The following PCSK6 variants were observed in gnomAD, a reference collection of about 807,000 sequenced individuals.
PCSK6 encodes paired basic amino acid cleaving enzyme 4.
PCSK6 carries 85 observed loss-of-function variants against 123.3 expected under a neutral mutation model. That is an observed-to-expected ratio of 0.69 (90% CI 0.58 to 0.83). The LOEUF is 0.83. PCSK6 is among the 40% of genes least tolerant of loss of function. PCSK6 has a pLI of 0.00. For synonymous variants in PCSK6, 508 were observed against 516.0 expected (o/e 0.98, Z 0.21); for missense variants, 1,191 against 1,282.3 (o/e 0.93, Z 1.09).
intron 1 of PCSK6, among the ~76,000 whole-genome samples, chr15:101,475,028 T>C (rs376088860): frequency 3.2e-4 from 49 of 152,312 alleles, no homozygotes; most frequent in African/African-American, 1.1e-3. Flanking sequence ...GTGAACATTC[T>C]ATGGACCCCT....
rs533961720 is a variant in PCSK6, at chr15:101,426,190, G to T, written c.823+1702C>A. Among the ~76,000 whole-genome samples the T allele has an allele frequency of 1.2e-4, 19 of 152,268 alleles. No individual in the cohort carries two copies. In the South Asian group the frequency reaches 3.5e-3, roughly 28 times the overall value. On this transcript the variant is annotated intron_variant, in intron 6 of 21. Transcript: ENST00000611716. ...TCAGCAAGAGGGAAGGAGGAGCTCA[G>T]CTATCCCCTGCAGACTTAGCCCAAG...
intron 13 of PCSK6, chr15:101,364,827 C>A: frequency 1.9e-6 from 1 of 539,726 alleles, no homozygotes; most frequent in East Asian, 2.8e-5. Flanking sequence ...CATGGAATTA[C>A]ACGGGACCCA....
chr15:101,481,612 T>C (rs874940), intron 1 of PCSK6, among the ~76,000 whole-genome samples: 63,751 of 151,860 alleles, frequency 0.42, 14,262 homozygotes, highest in East Asian at 0.8. Flanking sequence ...GCAGGGGCAA[T>C]GCAGGGAGCC....
In PCSK6 at chr15:101,455,841, C is replaced by T. The variant is rs74032892; in HGVS notation, c.298-12181G>A. ...ACTTCACCAAAATACAACTGAGGGA[C>T]ATCCTTTCCCGGTTGCAAAGCATAT... is the stretch of plus-strand genomic sequence containing the variant. On this transcript the variant is annotated intron_variant, in intron 1 of 21. Coordinates refer to ENST00000611716, the MANE Select transcript of PCSK6 (RefSeq NM_002570.5). 7.9e-3 allele frequency among the ~76,000 whole-genome samples: 1,204 copies of T among 152,342 alleles called. 18 individuals are homozygous for T. The highest frequency in any genetic ancestry group is 0.028 in the African/African-American group (1,157 of 41,552).
intron 13 of PCSK6, among the ~76,000 whole-genome samples, chr15:101,334,943 ATG>A (rs756567362): frequency 2.0e-5 from 3 of 151,462 alleles, no homozygotes; most frequent in African/African-American, 7.3e-5. Flanking sequence ...GTTTGACTTT[ATG>A]TGTGTGTGTG....
chr15:101,338,697 C>A (rs1296034425), intron 13 of PCSK6, among the ~76,000 whole-genome samples: 2 of 152,218 alleles, frequency 1.3e-5, no homozygotes, highest in African/African-American at 4.8e-5. Flanking sequence ...ACCATGAGTT[C>A]CTTAGTTTCT....
At chr15:101,362,810 CA>C (rs1596234555) in intron 13 of PCSK6, among the ~76,000 whole-genome samples, 3 of 152,244 alleles carry the variant, frequency 2.0e-5, no homozygotes, top group East Asian at 1.9e-4. Context: ...CATCTACCCC[CA>C]GGTAGAAGGG....
At chr15:101,329,457 G>T (rs532196890) in intron 15 of PCSK6, among the ~76,000 whole-genome samples, 1 of 152,362 alleles carries the variant, frequency 6.6e-6, no homozygotes, top group South Asian at 2.1e-4. Flanking sequence ...GTGCCCACGA[G>T]AATAAGAGTA....
chr15:101,315,492 C>G (rs115754935), intron 19 of PCSK6, among the ~76,000 whole-genome samples: 1 of 152,214 alleles, frequency 6.6e-6, no homozygotes, highest in Non-Finnish European at 1.5e-5. Flanking sequence ...ACAGGACCTG[C>G]TATGTTGTTT....
intron 7 of PCSK6, among the ~76,000 whole-genome samples, chr15:101,393,993 G>A (rs1210623782): frequency 6.6e-6 from 1 of 152,188 alleles, no homozygotes. Context: ...AAAGGGTTAC[G>A]TCCAGGAAGC....
intron 2 of PCSK6, among the ~76,000 whole-genome samples, chr15:101,443,072 A>T (rs2141151619): frequency 6.6e-6 from 1 of 152,376 alleles, no homozygotes; most frequent in Non-Finnish European, 1.5e-5. Flanking sequence ...TTAACCACCC[A>T]ATAAATACGG....
chr15:101,404,793 G>C (rs1364678404), intron 6 of PCSK6, among the ~76,000 whole-genome samples: 2 of 152,154 alleles, frequency 1.3e-5, no homozygotes, highest in Non-Finnish European at 2.9e-5. Context: ...GGATCTCCAG[G>C]GCAGGAGACC....
At chr15:101,422,647 G>C (rs1008900499) in intron 6 of PCSK6, among the ~76,000 whole-genome samples, 2 of 150,448 alleles carry the variant, frequency 1.3e-5, no homozygotes, top group Admixed American at 6.6e-5. Flanking sequence ...TTGAGACGGA[G>C]TCTCGCTCTG....
chr15:101,356,425 C>T (rs943726333), intron 13 of PCSK6, among the ~76,000 whole-genome samples: 2 of 148,260 alleles, frequency 1.3e-5, no homozygotes, highest in Non-Finnish European at 3.0e-5. Context: ...TTTCGGAGGC[C>T]GAGGTGGGCA....
At chr15:101,455,954 G>A (rs534344045) in intron 1 of PCSK6, among the ~76,000 whole-genome samples, 1 of 149,266 alleles carries the variant, frequency 6.7e-6, no homozygotes. Flanking sequence ...CAAGCTGTAT[G>A]CTAAGAAGTC....
At chr15:101,346,805 A>G in intron 13 of PCSK6, 1 of 1,231,276 alleles carries the variant, frequency 8.1e-7, no homozygotes, top group Non-Finnish European at 1.0e-6. Context: ...TCTTTTTGTT[A>G]TGCTTTCTAC....
chr15:101,488,947 C>T (rs1702873353), intron 1 of PCSK6, among the ~76,000 whole-genome samples: 1 of 150,398 alleles, frequency 6.6e-6, no homozygotes, highest in Non-Finnish European at 1.5e-5. Context: ...AGAGGGGCCG[C>T]TCCCCCGCGG....
At chr15:101,309,425 T>C (rs1405088997) in intron 20 of PCSK6, among the ~76,000 whole-genome samples, 1 of 152,220 alleles carries the variant, frequency 6.6e-6, no homozygotes, top group African/African-American at 2.4e-5. Context: ...GCTTTTAAGA[T>C]GCTTCTGGTT....
intron 6 of PCSK6, among the ~76,000 whole-genome samples, chr15:101,420,804 G>A (rs974656539): frequency 6.6e-6 from 1 of 152,208 alleles, no homozygotes; most frequent in Non-Finnish European, 1.5e-5. Flanking sequence ...CCGCACAGGG[G>A]TACCCCACTC....
Sources: allele counts gnomAD v4.1 joint callset (sites outside exome capture counted in the v4.1 genomes callset), GRCh38; gene constraint gnomAD v4.1.1; transcripts MANE v1.5; gene names NCBI Gene and HGNC (gene_info 2026-07-23, HGNC 2026-07-21).